ITGA5: variants seen among roughly 807,000 people sequenced by gnomAD.
ITGA5 encodes the protein integrin subunit alpha 5.
In ITGA5, 55 loss-of-function variants were observed where a neutral mutation model predicts 146.3. The observed-to-expected ratio is 0.38, with a 90% confidence interval of 0.30 to 0.47. ITGA5 has a LOEUF of 0.47. Among genes scored for constraint, ITGA5 ranks in the 20% least tolerant of loss-of-function variants. ITGA5 has a pLI of 0.99. For missense variants in ITGA5, 1,131 were observed against 1,329.0 expected, an observed-to-expected ratio of 0.85 and a Z score of 2.32; for synonymous variants, 500 against 531.8, an observed-to-expected ratio of 0.94 and a Z score of 0.82.
At chr12:54,404,090 T>G in intron 15 of ITGA5, 55 bp downstream of exon 15, 5 of 1,561,614 alleles carry the variant, frequency 3.2e-6, no homozygotes, top group Non-Finnish European at 4.4e-6. Context: ...GCAGACTTGG[T>G]GCCCCTGCCC....
Position 54,408,598 on chromosome 12 carries a change from C to T in ITGA5, c.691+158G>A, listed in dbSNP as rs558490299. Reference sequence around the variant, plus strand: ...AAAATTAGCCAGGCGCGGTGGCAGGCGCCTGTAATCCCAGCTACTTGGGAG... The same window carrying T: ...AAAATTAGCCAGGCGCGGTGGCAGGTGCCTGTAATCCCAGCTACTTGGGAG... On this transcript the variant is annotated intron_variant, in intron 6 of 29. Transcript: ENST00000293379. 7.1e-4 allele frequency among the ~76,000 whole-genome samples: 108 copies of T among 151,416 alleles called. 2 individuals are homozygous for T. The Middle Eastern group carries it at 0.041, about 58-fold the overall frequency.
Position 54,405,681 on chromosome 12 carries a change from T to C in ITGA5, c.999A>G (p.Thr333=), listed in dbSNP as rs1253295726. The change falls in exon 11 of 30, where the codon ACA becomes ACG. Residue 333 remains threonine (T), a synonymous_variant. Transcript: ENST00000293379. The part of the protein sequence containing the change: ...ASYFGYAVAA[T]DVNGDGLDDL... ...CCACTCACCCGTCCCCATTGACGTC[T>C]GTGGCGGCCACTGCATAGCCAAAGT... 3 of 1,613,842 alleles carry C rather than the reference T, an allele frequency of 1.9e-6. No homozygotes were observed. The highest frequency in any genetic ancestry group is 2.5e-6 in the Non-Finnish European group (3 of 1,179,870).
Position 54,409,599 on chromosome 12 carries a change from T to C in ITGA5, c.350-2A>G. 2 of 1,604,872 alleles carry C rather than the reference T, an allele frequency of 1.2e-6. No homozygotes were observed. Among genetic ancestry groups the C allele is most frequent in the Non-Finnish European group, 1.7e-6 (2 of 1,173,876 alleles). On this transcript the variant is annotated splice_acceptor_variant, in intron 2 of 29. Transcript: ENST00000293379. LOFTEE classifies it high-confidence loss of function. The surrounding 1 kb of genome is among the most constrained non-coding windows in gnomAD (Gnocchi z 4.7). ...GTGAGGACTCCAGGAGCCGAGAGCCTTGTGGAAGTGAGAAGGGGGAGTCTT... is the reference window on the plus strand; with the variant it reads ...GTGAGGACTCCAGGAGCCGAGAGCCCTGTGGAAGTGAGAAGGGGGAGTCTT...
In ITGA5 at chr12:54,403,073, G is replaced by C. The variant is rs1313107370; in HGVS notation, c.1915-23C>G. The C allele has an allele frequency of 1.2e-6, 2 of 1,613,992 alleles. No individual in the cohort carries two copies. Among genetic ancestry groups the C allele is most frequent in the South Asian group, 2.2e-5 (2 of 91,072 alleles). Reference sequence around the variant, plus strand: ...AGCCTGGGGAGCAGGGCAGCCTTGAGAGGGGAAGTTTAGACCCATTCCTGG... The same window carrying C: ...AGCCTGGGGAGCAGGGCAGCCTTGACAGGGGAAGTTTAGACCCATTCCTGG... On this transcript the variant is annotated intron_variant, in intron 18 of 29. Transcript: ENST00000293379. The surrounding 1 kb of genome is among the most constrained non-coding windows in gnomAD (Gnocchi z 4.9).
In ITGA5 at chr12:54,409,530, C is replaced by T; in HGVS notation, c.417G>A (p.Leu139=). Residue 139 remains leucine, a synonymous_variant, in exon 3 of 30, where the codon TTG becomes TTA. Coordinates refer to ENST00000293379, the MANE Select transcript of ITGA5 (RefSeq NM_002205.5). The surrounding 1 kb of genome is among the most constrained non-coding windows in gnomAD (Gnocchi z 4.7). ...CTCGAACTGTTGCCCCGAACCACTG[C>T]AAGGACTTGTACTCCACAGGCTCCT... ...EGEEPVEYKS[L]QWFGATVRAH... 6.2e-7 allele frequency: 1 copy of T among 1,614,120 alleles called. No homozygotes were observed. The highest frequency in any genetic ancestry group is 8.5e-7 in the Non-Finnish European group (1 of 1,180,022).
At position 54,405,736 on chromosome 12, in the gene ITGA5, A is replaced by G; in HGVS notation, c.964-20T>C. The G allele has an allele frequency of 1.2e-6, 2 of 1,613,776 alleles. No homozygotes were observed. The highest frequency in any genetic ancestry group is 1.7e-6 in the Non-Finnish European group (2 of 1,179,674). On this transcript the variant is annotated intron_variant, in intron 10 of 29. Coordinates refer to ENST00000293379, the MANE Select transcript of ITGA5 (RefSeq NM_002205.5). ...GGCCATCTGGGGAGGACAAAGGGGC[A>G]GCGCTGGGTCAGAACTAGAAGGTTC...
chr12:54,406,056 C>G lies in ITGA5; in HGVS notation c.907-130G>C, dbSNP rs998640145. The G allele has an allele frequency of 3.8e-6, 3 of 787,032 alleles. No homozygotes were observed. In the Admixed American group the frequency reaches 6.0e-5, roughly 16 times the overall value. 48.8% of individuals were successfully genotyped at this position (787,032 alleles called of 1,614,324 possible). A position where few individuals can be genotyped will look rare whatever the true frequency, so the allele number is the denominator to read the frequency against. On this transcript the variant is annotated intron_variant, in intron 9 of 29. Coordinates refer to ENST00000293379, the MANE Select transcript of ITGA5 (RefSeq NM_002205.5). ...CGCAGACCACTGTCCCTAGCTCCCT[C>G]TTCAGCTTTGCCCTCATATTCCCAC...
At chr12:54,398,830 TCTCTC>T (rs1210205285) in intron 27 of ITGA5, 132 bp from the exon 28 acceptor site, 4 of 407,062 alleles carry the variant, frequency 9.8e-6, no homozygotes, top group African/African-American at 4.8e-5. Flanking sequence ...TCTCTCTCTC[TCTCTC>T]TTTTTTTTTT....
intron 1 of ITGA5, among the ~76,000 whole-genome samples, chr12:54,414,724 G>T (rs1955985265): frequency 6.6e-6 from 1 of 151,028 alleles, no homozygotes; most frequent in Non-Finnish European, 1.5e-5. Flanking sequence ...GCGGGCGCTT[G>T]TAGTCCCACC....
chr12:54,409,864 C>CTTTT lies in ITGA5; in HGVS notation c.350-271_350-268dup. On this transcript the variant is annotated intron_variant, in intron 2 of 29. Transcript: ENST00000293379. This position sits in a 1 kb window ranked among gnomAD's most constrained non-coding sequence, Gnocchi z 4.7. ...CACACGCACACAGAACCTGGGCTTT[C>CTTTT]TTTTTTTTTTGAGATGGAGTCTCAC... 1 of 287,626 alleles carries CTTTT rather than the reference C, an allele frequency of 3.5e-6. No homozygotes were observed. Among genetic ancestry groups the CTTTT allele is most frequent in the Non-Finnish European group, 6.6e-6 (1 of 152,440 alleles). 17.8% of individuals were successfully genotyped at this position (287,626 alleles called of 1,614,324 possible). A position where few individuals can be genotyped will look rare whatever the true frequency, so the allele number is the denominator to read the frequency against.
At position 54,404,285 on chromosome 12, in the gene ITGA5, C is replaced by T. The variant is rs547837849; in HGVS notation, c.1464-39G>A. On this transcript the variant is annotated intron_variant, in intron 14 of 29. Coordinates refer to ENST00000293379, the MANE Select transcript of ITGA5 (RefSeq NM_002205.5). ...ATGTGGGGTCAATAGAATTAGGACTCCTCTGTAACCTGGACACAGGAAACT... is the reference window on the plus strand; with the variant it reads ...ATGTGGGGTCAATAGAATTAGGACTTCTCTGTAACCTGGACACAGGAAACT... 14 of 1,587,582 alleles carry T rather than the reference C, an allele frequency of 8.8e-6. No individual in the cohort carries two copies. In the South Asian group the frequency reaches 1.6e-4, roughly 18 times the overall value.
intron 1 of ITGA5, among the ~76,000 whole-genome samples, chr12:54,418,101 C>T (rs1433621375): frequency 3.9e-5 from 6 of 152,114 alleles, no homozygotes; most frequent in Admixed American, 3.9e-4. Context: ...GCTTCCGACC[C>T]CAGCCCCAGA....
At chr12:54,410,782 A>G (rs1955934738) in intron 2 of ITGA5, among the ~76,000 whole-genome samples, 1 of 150,844 alleles carries the variant, frequency 6.6e-6, no homozygotes, top group Admixed American at 6.6e-5. Context: ...GCTGGAGTGC[A>G]GTGACATGAT....
intron 1 of ITGA5, among the ~76,000 whole-genome samples, chr12:54,418,537 C>G (rs1956036499): frequency 1.3e-5 from 2 of 151,992 alleles, no homozygotes; most frequent in Non-Finnish European, 2.9e-5. Context: ...CGTTCTCTCG[C>G]CGCACAATGG....
intron 9 of ITGA5, among the ~76,000 whole-genome samples, chr12:54,406,948 G>A (rs748244849): frequency 1.3e-5 from 2 of 152,224 alleles, no homozygotes; most frequent in Non-Finnish European, 2.9e-5. Flanking sequence ...TTTGGATTAA[G>A]AGAGACCTGA....
intron 1 of ITGA5, among the ~76,000 whole-genome samples, 188 bp from the exon 2 acceptor site, chr12:54,412,152 T>G (rs1417569548): frequency 6.6e-6 from 1 of 152,132 alleles, no homozygotes; most frequent in Non-Finnish European, 1.5e-5. Context: ...GCGGTCCCCA[T>G]GTGCCGCTGT....
chr12:54,417,190 G>A (rs1390599985), intron 1 of ITGA5, among the ~76,000 whole-genome samples: 2 of 152,040 alleles, frequency 1.3e-5, no homozygotes, highest in Non-Finnish European at 2.9e-5. Flanking sequence ...TACAGGATCA[G>A]GCCAGGGGCC....
At chr12:54,397,239 T>C in intron 29 of ITGA5, 126 bp downstream of exon 29, 2 of 993,442 alleles carry the variant, frequency 2.0e-6, no homozygotes, top group South Asian at 3.0e-5. Context: ...GGGATGCATG[T>C]AGCCAGGACA....
rs568410937 is a variant in ITGA5 at position 54,403,504 on chromosome 12, C to A, written c.1776+121G>T. ...CTGACAGAAGGTCTCCCTTTCTCAG[C>A]CCCTACAAGAGTCCCAAGCCCTTCA... is the stretch of plus-strand genomic sequence containing the variant. On this transcript the variant is annotated intron_variant, in intron 17 of 29. Coordinates refer to ENST00000293379, the MANE Select transcript of ITGA5 (RefSeq NM_002205.5). The surrounding 1 kb of genome is among the most constrained non-coding windows in gnomAD (Gnocchi z 4.9). The A allele has an allele frequency of 5.0e-5, 65 of 1,311,520 alleles. No homozygotes were observed. In the South Asian group the frequency reaches 8.8e-4, roughly 18 times the overall value. The allele number at this position is 1,311,520 out of a possible 1,614,324, so 81.2% of individuals were successfully genotyped here.
Sources: allele counts gnomAD v4.1 joint callset (sites outside exome capture counted in the v4.1 genomes callset), GRCh38; gene constraint gnomAD v4.1.1; non-coding constraint Gnocchi (gnomAD v3.1); transcripts MANE v1.5; gene names NCBI Gene and HGNC (gene_info 2026-07-23, HGNC 2026-07-21).